ELF2: variants seen among roughly 807,000 people sequenced by gnomAD.
ELF2 encodes the protein E74 like ETS transcription factor 2, also known as ETS-related transcription factor Elf-2.
A neutral mutation model predicts 54.8 loss-of-function variants in ELF2; 11 were observed. The observed-to-expected ratio is 0.20, with a 90% CI of 0.13 to 0.33. ELF2 has a LOEUF of 0.33. Among genes scored for constraint, ELF2 ranks in the 10% least tolerant of loss-of-function variants. The probability of loss-of-function intolerance (pLI) is 1.00; values close to 1 mark genes in which losing one functional copy is unlikely to be tolerated. For synonymous variants in ELF2, 203 were observed against 245.1 expected, an observed-to-expected ratio of 0.83 and a Z score of 1.61; for missense variants, 513 against 703.0, an observed-to-expected ratio of 0.73 and a Z score of 3.06.
At chr4:139,137,918 A>C in intron 2 of ELF2, 51 bp from the exon 3 acceptor site, 3 of 1,209,006 alleles carry the variant, frequency 2.5e-6, no homozygotes, top group Non-Finnish European at 2.1e-6. Context: ...CAGGAAGGAC[A>C]TAAATAAAGC....
chr4:139,136,553 A>AT (rs1018002855), intron 3 of ELF2, among the ~76,000 whole-genome samples: 79 of 151,670 alleles, frequency 5.2e-4, no homozygotes, highest in African/African-American at 1.7e-3. Context: ...GAGAAAACAG[A>AT]TTTTTTTTTA....
intron 4 of ELF2, among the ~76,000 whole-genome samples, chr4:139,076,371 G>A (rs2148708494): frequency 6.6e-6 from 1 of 151,758 alleles, no homozygotes; most frequent in Admixed American, 6.6e-5. Context: ...GCATTATTAA[G>A]TATAAGACAT....
At chr4:139,125,554 T>C (rs1736831700) in intron 3 of ELF2, among the ~76,000 whole-genome samples, 1 of 152,174 alleles carries the variant, frequency 6.6e-6, no homozygotes, top group South Asian at 2.1e-4. Context: ...TAATCTGTGC[T>C]TTAGGATTAA....
chr4:139,117,298 TG>T (rs975831057), intron 4 of ELF2, among the ~76,000 whole-genome samples: 3 of 152,222 alleles, frequency 2.0e-5, no homozygotes, highest in Non-Finnish European at 2.9e-5. Flanking sequence ...TAAAAGGAAA[TG>T]TTTTTTTAAA....
rs761341135 is a variant in ELF2, at chr4:139,083,553, A to AT, written c.239-9987dup. ...TGTGCGGAGGAGGGAGGGTCAGAGC[A>AT]TTTTTTTTTGGCGGGTATCGGTCCA... On this transcript the variant is annotated intron_variant, in intron 4 of 9. Transcript: ENST00000686138. Among the ~76,000 whole-genome samples the AT allele has an allele frequency of 1.8e-3, 275 of 150,850 alleles. 1 individual carries two copies. The highest frequency in any genetic ancestry group is 1.7e-3 in the Non-Finnish European group (112 of 67,578).
At chr4:139,094,721 AAAGAT>A (rs10594791) in intron 4 of ELF2, among the ~76,000 whole-genome samples, 96,799 of 151,324 alleles carry the variant, frequency 0.64, 31,827 homozygotes, top group Admixed American at 0.75. Context: ...TCTGAGGGAG[AAAGAT>A]AAGACTTGTG....
At chr4:139,084,112 G>A (rs1231336294) in intron 4 of ELF2, 1 of 1,613,190 alleles carries the variant, frequency 6.2e-7, no homozygotes, top group East Asian at 2.2e-5. Context: ...ATGCACGGGA[G>A]AAAAGTTCCC....
At chr4:139,105,589 CA>C (rs2148796247) in intron 4 of ELF2, among the ~76,000 whole-genome samples, 1 of 152,232 alleles carries the variant, frequency 6.6e-6, no homozygotes, top group African/African-American at 2.4e-5. Flanking sequence ...TAATGATTGT[CA>C]AAAAATGATC....
chr4:139,122,417 T>G (rs1429395211), intron 4 of ELF2, among the ~76,000 whole-genome samples: 1 of 152,274 alleles, frequency 6.6e-6, no homozygotes, highest in Non-Finnish European at 1.5e-5. Flanking sequence ...TATTCATTTG[T>G]ATATGCCCTA....
intron 4 of ELF2, among the ~76,000 whole-genome samples, chr4:139,085,688 T>C (rs1417081915): frequency 1.3e-5 from 2 of 152,232 alleles, no homozygotes; most frequent in Admixed American, 6.5e-5. Flanking sequence ...AACTCCTCTT[T>C]AAATAAGGAT....
At chr4:139,114,563 A>AGTCACACACACACACACACACACACACG (rs1578834259) in intron 4 of ELF2, among the ~76,000 whole-genome samples, 1 of 73,518 alleles carries the variant, frequency 1.4e-5, no homozygotes, top group African/African-American at 4.1e-5. Context: ...CTTCAGTCTC[A>AGTCACACACACACACACACACACACACG]CACACACACA....
intron 1 of ELF2, among the ~76,000 whole-genome samples, chr4:139,150,442 C>A (rs1023466998): frequency 6.6e-6 from 1 of 150,916 alleles, no homozygotes; most frequent in Non-Finnish European, 1.5e-5. Context: ...CCACTTGAGC[C>A]CAGGAGATTG....
intron 4 of ELF2, among the ~76,000 whole-genome samples, chr4:139,109,717 G>A (rs143777596): frequency 1.7e-3 from 259 of 152,276 alleles, no homozygotes; most frequent in African/African-American, 5.8e-3. Flanking sequence ...GGAGGCTAAC[G>A]CACAGACAAA....
Position 139,058,927 on chromosome 4 carries a change from A to C in ELF2, c.*56T>G. On this transcript the variant is annotated 3_prime_UTR_variant, in exon 10 of 10. Coordinates refer to ENST00000686138, the MANE Select transcript of ELF2 (RefSeq NM_001331036.3). ...ACTTTTCTTGATGACTTCCCTTGCA[A>C]ATGTTTATGTCAGTACTGCCACTAA... 2.6e-6 allele frequency: 4 copies of C among 1,516,536 alleles called. No individual in the cohort carries two copies. Among genetic ancestry groups the C allele is most frequent in the Non-Finnish European group, 3.5e-6 (4 of 1,134,956 alleles). The allele number at this position is 1,516,536 out of a possible 1,614,324, so 93.9% of individuals were successfully genotyped here. A position where few individuals can be genotyped will look rare whatever the true frequency, so the allele number is the denominator to read the frequency against.
chr4:139,086,285 G>GA (rs984895557), intron 4 of ELF2, among the ~76,000 whole-genome samples: 6 of 151,860 alleles, frequency 4.0e-5, no homozygotes, highest in African/African-American at 1.5e-4. Context: ...CATGTTTAGG[G>GA]AAAAAACAGG....
At chr4:139,065,243 C>T (rs1314449491) in intron 7 of ELF2, among the ~76,000 whole-genome samples, 1 of 152,076 alleles carries the variant, frequency 6.6e-6, no homozygotes, top group Non-Finnish European at 1.5e-5. Context: ...CTAAGGAGGC[C>T]AAGGCTGAAG....
intron 4 of ELF2, among the ~76,000 whole-genome samples, chr4:139,094,852 G>A (rs1427966030): frequency 6.6e-6 from 1 of 151,930 alleles, no homozygotes; most frequent in Non-Finnish European, 1.5e-5. Context: ...TTATTTTTAG[G>A]TCCCTAGTAA....
At chr4:139,089,247 G>T (rs1732333100) in intron 4 of ELF2, among the ~76,000 whole-genome samples, 1 of 151,988 alleles carries the variant, frequency 6.6e-6, no homozygotes, top group African/African-American at 2.4e-5. Context: ...ATCTTACCAG[G>T]TTAGAAATCT....
intron 3 of ELF2, among the ~76,000 whole-genome samples, chr4:139,133,743 A>G (rs899634098): frequency 7.3e-5 from 11 of 151,504 alleles, no homozygotes; most frequent in African/African-American, 2.2e-4. Context: ...AGCTGGGACT[A>G]TATGCACGTG....
Sources: allele counts gnomAD v4.1 joint callset (sites outside exome capture counted in the v4.1 genomes callset), GRCh38; gene constraint gnomAD v4.1.1; transcripts MANE v1.5; gene names NCBI Gene and HGNC (gene_info 2026-07-23, HGNC 2026-07-21).